Variants in SMURF2 observed in about 807,000 individuals in gnomAD.
SMURF2 encodes E3 ubiquitin-protein ligase SMURF2.
Under a neutral mutation model 109.6 loss-of-function variants are expected in SMURF2, and 48 were observed. That is an observed-to-expected ratio of 0.44 (90% CI 0.35 to 0.56). The LOEUF (loss-of-function observed/expected upper bound fraction) is 0.56. Ranked by LOEUF, SMURF2 falls within the 20% of genes least tolerant of loss-of-function variation. The probability of loss-of-function intolerance (pLI) is 0.01; values close to 1 mark genes in which losing one functional copy is unlikely to be tolerated. For synonymous variants in SMURF2, 288 were observed against 317.1 expected (o/e 0.91, Z 0.97); for missense variants, 575 against 909.0 (o/e 0.63, Z 4.72).
chr17:64,661,591 G>A (rs1970777378), intron 1 of SMURF2, among the ~76,000 whole-genome samples: 1 of 152,028 alleles, frequency 6.6e-6, no homozygotes, highest in Non-Finnish European at 1.5e-5. Context: ...GATGCGAACC[G>A]GTGTATTCTC....
chr17:64,550,757 CAAAAAAAAA>C (rs146307567), intron 16 of SMURF2, among the ~76,000 whole-genome samples: 2 of 69,676 alleles, frequency 2.9e-5, no homozygotes, highest in Non-Finnish European at 7.0e-5. Context: ...ACTCTGTCTC[CAAAAAAAAA>C]AAAAAAAAAA....
At position 64,662,144 on chromosome 17, in the gene SMURF2, C is replaced by T. The variant is rs1350513949; in HGVS notation, c.-264G>A. The stretch of plus-strand genomic sequence containing the variant: ...CCGCGGCCGCCCGCGCCGCCTCCGC[C>T]CGCGCCCCCGCCGCCTCCTCGCGGC... On this transcript the variant is annotated 5_prime_UTR_variant, in exon 1 of 19. Transcript: ENST00000262435. The T allele has an allele frequency of 2.7e-5, 28 of 1,034,852 alleles. No homozygotes were observed. The highest frequency in any genetic ancestry group is 3.0e-5 in the Non-Finnish European group (26 of 863,094). The allele number at this position is 1,034,852 out of a possible 1,614,324, so 64.1% of individuals were successfully genotyped here.
chr17:64,607,780 G>A (rs1568193327), intron 1 of SMURF2, among the ~76,000 whole-genome samples: 1 of 151,900 alleles, frequency 6.6e-6, no homozygotes, highest in East Asian at 1.9e-4. Context: ...AGACCAGCCT[G>A]GCTAACATGA....
rs565788089 is a variant in SMURF2, at chr17:64,579,995, T to G, written c.772+794A>C. On this transcript the variant is annotated intron_variant, in intron 8 of 18. Coordinates refer to ENST00000262435, the MANE Select transcript of SMURF2 (RefSeq NM_022739.4). ...TAAGAATCATGCATTTGCAGAAGAG[T>G]TTTAAAATATATTCTTGAGTAAAAT... Among the ~76,000 whole-genome samples, 7 of 152,176 alleles carry G rather than the reference T, an allele frequency of 4.6e-5. No individual in the cohort carries two copies. In the East Asian group the frequency reaches 1.2e-3, roughly 25 times the overall value.
intron 1 of SMURF2, among the ~76,000 whole-genome samples, chr17:64,625,297 T>A (rs1470087630): frequency 6.6e-6 from 1 of 152,254 alleles, no homozygotes; most frequent in Admixed American, 6.5e-5. Context: ...AAAGGGAATC[T>A]GCAGTGCTTA....
chr17:64,652,432 TAAAG>T (rs1332669252), intron 1 of SMURF2, among the ~76,000 whole-genome samples: 9 of 152,334 alleles, frequency 5.9e-5, no homozygotes, highest in African/African-American at 1.7e-4. Flanking sequence ...GGTAGAATCA[TAAAG>T]AAAACACAGG....
intron 1 of SMURF2, among the ~76,000 whole-genome samples, chr17:64,636,608 A>C (rs1375685947): frequency 6.8e-6 from 1 of 147,330 alleles, no homozygotes; most frequent in African/African-American, 2.5e-5. Flanking sequence ...GCCTCAAAAA[A>C]AAAAAAAAAA....
chr17:64,661,705 T>A (rs1270773021), intron 1 of SMURF2, 124 bp downstream of exon 1: 9 of 596,330 alleles, frequency 1.5e-5, no homozygotes, highest in Non-Finnish European at 2.1e-5. Flanking sequence ...GAACTAGGCC[T>A]TCCCATTCCT....
At chr17:64,602,676 C>A (rs543714302) in intron 2 of SMURF2, among the ~76,000 whole-genome samples, 1 of 152,164 alleles carries the variant, frequency 6.6e-6, no homozygotes, top group African/African-American at 2.4e-5. Flanking sequence ...CGCCTGTAAT[C>A]CCAGCACTTT....
chr17:64,568,733 G>A (rs782126704), intron 10 of SMURF2, among the ~76,000 whole-genome samples: 2 of 152,092 alleles, frequency 1.3e-5, no homozygotes, highest in East Asian at 1.9e-4. Context: ...CGGGCACAAC[G>A]GCTCACACCT....
chr17:64,546,059 G>C, intron 18 of SMURF2, 112 bp from the exon 19 acceptor site: 1 of 865,986 alleles, frequency 1.2e-6, no homozygotes, highest in East Asian at 2.6e-5. Flanking sequence ...AAACTAAAAG[G>C]TATTTCTCTA....
At chr17:64,659,827 A>C (rs1375435012) in intron 1 of SMURF2, among the ~76,000 whole-genome samples, 1 of 152,336 alleles carries the variant, frequency 6.6e-6, no homozygotes, top group East Asian at 1.9e-4. Flanking sequence ...AAAACAGAAG[A>C]GACTCCACTG....
chr17:64,606,715 G>A lies in SMURF2; in HGVS notation c.53-75C>T, dbSNP rs531085268. ...AGTGTACTGTTACATTTTAAAACAC[G>A]GAAAACAGCAGTGAATAGTTAAACC... On this transcript the variant is annotated intron_variant, in intron 1 of 18. Transcript: ENST00000262435. 9.7e-5 allele frequency: 106 copies of A among 1,095,272 alleles called. No homozygotes were observed. The East Asian group carries it at 2.2e-3, about 23-fold the overall frequency. The allele number at this position is 1,095,272 out of a possible 1,614,324, so 67.8% of individuals were successfully genotyped here. A position where few individuals can be genotyped will look rare whatever the true frequency, so the allele number is the denominator to read the frequency against.
chr17:64,639,633 T>C (rs781873394), intron 1 of SMURF2, among the ~76,000 whole-genome samples: 27 of 152,144 alleles, frequency 1.8e-4, no homozygotes, highest in South Asian at 1.0e-3. Context: ...CAACTGGATA[T>C]CATAAGATGT....
At chr17:64,587,019 C>T (rs1466225561) in intron 5 of SMURF2, among the ~76,000 whole-genome samples, 3 of 151,470 alleles carry the variant, frequency 2.0e-5, no homozygotes, top group East Asian at 2.0e-4. Context: ...AAAAATTAGC[C>T]GGGTGAGGAA....
At chr17:64,578,430 A>C (rs1555686241) in intron 9 of SMURF2, 62 bp downstream of exon 9, 1 of 1,131,162 alleles carries the variant, frequency 8.8e-7, no homozygotes, top group African/African-American at 1.6e-5. Context: ...CTTAAAAATC[A>C]AAGAAATCCT....
chr17:64,575,178 G>A (rs1969472118), intron 9 of SMURF2, among the ~76,000 whole-genome samples: 1 of 150,444 alleles, frequency 6.6e-6, no homozygotes, highest in Non-Finnish European at 1.5e-5. Flanking sequence ...TTTAGAGATG[G>A]GGTCTTGCTC....
chr17:64,651,796 G>A (rs77846167), intron 1 of SMURF2, among the ~76,000 whole-genome samples: 7,629 of 152,128 alleles, frequency 0.05, 318 homozygotes, highest in Admixed American at 0.14. Context: ...GGTGATGGAT[G>A]TTTGTAACCC....
At chr17:64,615,130 T>G (rs1425383895) in intron 1 of SMURF2, among the ~76,000 whole-genome samples, 2 of 152,198 alleles carry the variant, frequency 1.3e-5, no homozygotes, top group African/African-American at 4.8e-5. Context: ...GTTGTTTTCA[T>G]AATGAATGGC....
Sources: allele counts gnomAD v4.1 joint callset (sites outside exome capture counted in the v4.1 genomes callset), GRCh38; gene constraint gnomAD v4.1.1; transcripts MANE v1.5; gene names NCBI Gene and HGNC (gene_info 2026-07-23, HGNC 2026-07-21).